The following TRAPPC9 variants were observed in gnomAD, a reference collection of about 807,000 sequenced individuals.
TRAPPC9 encodes IKK2 binding protein.
Under a neutral mutation model 124.0 loss-of-function variants are expected in TRAPPC9, and 83 were observed. That is an observed-to-expected ratio of 0.67 (90% confidence interval 0.56 to 0.80). The LOEUF is 0.80. Ranked by LOEUF, TRAPPC9 falls within the 30% of genes least tolerant of loss-of-function variation. The probability of loss-of-function intolerance (pLI) is 0.00; values close to 1 mark genes in which losing one functional copy is unlikely to be tolerated. For missense variants in TRAPPC9, 1,302 were observed against 1,508.3 expected, an observed-to-expected ratio of 0.86 and a Z score of 2.27; for synonymous variants, 638 against 617.5, an observed-to-expected ratio of 1.03 and a Z score of -0.49.
intron 20 of TRAPPC9, among the ~76,000 whole-genome samples, chr8:139,896,086 G>A (rs185161505): frequency 3.9e-5 from 6 of 152,346 alleles, no homozygotes; most frequent in Non-Finnish European, 8.8e-5. Flanking sequence ...AAATTATACA[G>A]CTAAGCTAAT....
At chr8:140,169,532 T>A (rs556607269) in intron 17 of TRAPPC9, among the ~76,000 whole-genome samples, 26 of 152,064 alleles carry the variant, frequency 1.7e-4, no homozygotes, top group African/African-American at 6.3e-4. Context: ...CATCGACAGA[T>A]GATTGGACAA....
chr8:140,211,592 C>A (rs1417141832), intron 17 of TRAPPC9, among the ~76,000 whole-genome samples: 1 of 152,180 alleles, frequency 6.6e-6, no homozygotes, highest in Non-Finnish European at 1.5e-5. Context: ...ATAGAAACTT[C>A]ATAAACATCC....
intron 17 of TRAPPC9, among the ~76,000 whole-genome samples, chr8:140,056,889 G>A (rs1416421223): frequency 6.6e-6 from 1 of 152,048 alleles, no homozygotes; most frequent in Non-Finnish European, 1.5e-5. Context: ...TACAAAATGG[G>A]AGAAAATATT....
chr8:140,033,632 A>G lies in TRAPPC9; in HGVS notation c.2557-9553T>C, dbSNP rs536403605. Among the ~76,000 whole-genome samples, 6 of 138,214 alleles carry G rather than the reference A, an allele frequency of 4.3e-5. No homozygotes were observed. In the South Asian group the frequency reaches 1.4e-3, roughly 31 times the overall value. 90.7% of individuals were successfully genotyped at this position (138,214 alleles called of 152,430 possible). On this transcript the variant is annotated intron_variant, in intron 17 of 22. Transcript: ENST00000438773. ...CCATTTCATCCAAGTTGTCAAATGC[A>G]TTGAAATGCAACTCTTCATAATGTG... is the stretch of plus-strand genomic sequence containing the variant.
At chr8:140,169,792 G>C (rs1184063095) in intron 17 of TRAPPC9, among the ~76,000 whole-genome samples, 1 of 152,138 alleles carries the variant, frequency 6.6e-6, no homozygotes, top group African/African-American at 2.4e-5. Context: ...GATGGGTATA[G>C]GGTTTCCTTT....
At chr8:139,941,835 G>A (rs1833940776) in intron 19 of TRAPPC9, among the ~76,000 whole-genome samples, 1 of 152,186 alleles carries the variant, frequency 6.6e-6, no homozygotes, top group Admixed American at 6.5e-5. Flanking sequence ...ATGGGCTCCG[G>A]GCATGGGTTT....
At chr8:140,193,604 G>C (rs2062550108) in intron 17 of TRAPPC9, among the ~76,000 whole-genome samples, 1 of 134,552 alleles carries the variant, frequency 7.4e-6, no homozygotes, top group Admixed American at 8.2e-5. Flanking sequence ...AAGGGCAGAA[G>C]GGATCTTTGT....
chr8:140,004,551 A>C (rs1033745374), intron 18 of TRAPPC9, among the ~76,000 whole-genome samples: 1 of 152,168 alleles, frequency 6.6e-6, no homozygotes, highest in Middle Eastern at 3.2e-3. Flanking sequence ...CTATGGAATT[A>C]TTAGGAGGCT....
intron 21 of TRAPPC9, among the ~76,000 whole-genome samples, chr8:139,794,133 A>T (rs1296544955): frequency 6.6e-6 from 1 of 151,360 alleles, no homozygotes; most frequent in East Asian, 2.0e-4. Context: ...CGCTGGGCAG[A>T]CCCCACCCAT....
intron 9 of TRAPPC9, among the ~76,000 whole-genome samples, chr8:140,315,939 T>G (rs565025701): frequency 3.3e-4 from 50 of 152,302 alleles, no homozygotes; most frequent in Admixed American, 1.8e-3. Context: ...TAATTATAAT[T>G]GTTATGTTAA....
At chr8:140,066,696 G>C (rs142950406) in intron 17 of TRAPPC9, among the ~76,000 whole-genome samples, 1 of 152,112 alleles carries the variant, frequency 6.6e-6, no homozygotes, top group Admixed American at 6.5e-5. Context: ...ACACCTACTC[G>C]GTGCAAAGCC....
chr8:140,386,537 G>A (rs1287492178), intron 7 of TRAPPC9, among the ~76,000 whole-genome samples: 1 of 152,074 alleles, frequency 6.6e-6, no homozygotes, highest in Non-Finnish European at 1.5e-5. Flanking sequence ...CAAACAGAGA[G>A]CCAAATCATG....
At chr8:139,982,622 C>T (rs550837432) in intron 19 of TRAPPC9, among the ~76,000 whole-genome samples, 28 of 152,300 alleles carry the variant, frequency 1.8e-4, no homozygotes, top group African/African-American at 1.4e-4. Flanking sequence ...AACTAATGGT[C>T]CTTAATTACA....
At chr8:139,757,807 G>C (rs1819955627) in intron 21 of TRAPPC9, among the ~76,000 whole-genome samples, 1 of 152,152 alleles carries the variant, frequency 6.6e-6, no homozygotes, top group Admixed American at 6.5e-5. Flanking sequence ...CTCACGCTTA[G>C]TAGGCAAGCA....
At chr8:139,992,457 G>GT (rs1372737041) in intron 18 of TRAPPC9, among the ~76,000 whole-genome samples, 1 of 151,970 alleles carries the variant, frequency 6.6e-6, no homozygotes, top group Non-Finnish European at 1.5e-5. Flanking sequence ...TGCTCAAAAA[G>GT]TTTTGAATTT....
chr8:140,394,775 GTC>G lies in TRAPPC9; in HGVS notation c.1134+2843_1134+2844del, dbSNP rs764714950. Among the ~76,000 whole-genome samples the G allele has an allele frequency of 3.0e-4, 45 of 152,114 alleles. 1 individual carries two copies. The highest frequency in any genetic ancestry group is 1.0e-3 in the African/African-American group (42 of 41,420). ...ACACCCAGCCACATGTTTACACCCA[GTC>G]TCTCTGCTCAGAGGCTCCTCAGCAC... On this transcript the variant is annotated intron_variant, in intron 7 of 22. Coordinates refer to ENST00000438773, the MANE Select transcript of TRAPPC9 (RefSeq NM_001160372.4).
At chr8:139,956,877 C>T (rs550349466) in intron 19 of TRAPPC9, among the ~76,000 whole-genome samples, 1 of 152,336 alleles carries the variant, frequency 6.6e-6, no homozygotes, top group East Asian at 1.9e-4. Flanking sequence ...AAACACCCAG[C>T]CACTCTCTCT....
At chr8:140,019,779 T>C (rs1839716683) in intron 18 of TRAPPC9, among the ~76,000 whole-genome samples, 1 of 152,144 alleles carries the variant, frequency 6.6e-6, no homozygotes, top group Non-Finnish European at 1.5e-5. Flanking sequence ...TTCAAACTCC[T>C]GACCTCAGGT....
intron 2 of TRAPPC9, among the ~76,000 whole-genome samples, chr8:140,441,240 C>T (rs1564025886): frequency 6.6e-6 from 1 of 152,006 alleles, no homozygotes; most frequent in African/African-American, 2.4e-5. Flanking sequence ...CTCAGCCTCC[C>T]AAAGAGCTGG....
Sources: gnomAD v4.1 joint callset for allele counts (sites outside exome capture counted in the v4.1 genomes callset) on GRCh38, gnomAD v4.1.1 for gene constraint, MANE v1.5 for transcripts, NCBI Gene and HGNC (gene_info 2026-07-23, HGNC 2026-07-21) for gene names.